Variants in SLC2A14 observed in about 807,000 individuals in gnomAD.
SLC2A14 encodes the protein solute carrier family 2, facilitated glucose transporter member 14.
In SLC2A14, 13 loss-of-function variants were observed where a neutral mutation model predicts 43.0. The ratio of observed to expected loss-of-function variants is 0.30; its 90% CI spans 0.20 to 0.48. The LOEUF (loss-of-function observed/expected upper bound fraction) is 0.48. SLC2A14 is among the 20% of genes least tolerant of loss of function. The pLI, the probability that SLC2A14 is intolerant of heterozygous loss-of-function variation, is 0.99. For synonymous variants in SLC2A14, 190 were observed against 233.8 expected (o/e 0.81, Z 1.71); for missense variants, 428 against 620.4 (o/e 0.69, Z 3.29).
intron 2 of SLC2A14, among the ~76,000 whole-genome samples, chr12:7,850,405 T>A (rs1349683554): frequency 4.0e-5 from 6 of 151,816 alleles, no homozygotes; most frequent in African/African-American, 7.3e-5. Flanking sequence ...TTATTATTAT[T>A]ATTTTTTTGA....
chr12:7,876,107 A>G (rs1945459701), upstream of SLC2A14, among the ~76,000 whole-genome samples: 1 of 151,694 alleles, frequency 6.6e-6, no homozygotes. Flanking sequence ...TGTGAAACCC[A>G]TCTCTACTAA....
chr12:7,826,880 TCTTTCTTTCTTTC>T (rs1565507954), intron 7 of SLC2A14, among the ~76,000 whole-genome samples: 3 of 66,122 alleles, frequency 4.5e-5, no homozygotes, highest in Admixed American at 1.5e-4. Flanking sequence ...TTTCTTTCTT[TCTTTCTTTCTTTC>T]TTTCTTTCTT....
intron 2 of SLC2A14, 48 bp downstream of exon 2, chr12:7,869,815 T>A: frequency 8.2e-7 from 1 of 1,212,896 alleles, no homozygotes; most frequent in African/African-American, 1.5e-5. Flanking sequence ...ATTATCAACA[T>A]AACTCTGACA....
intron 2 of SLC2A14, among the ~76,000 whole-genome samples, chr12:7,835,626 T>C (rs1033871867): frequency 6.6e-6 from 1 of 152,172 alleles, no homozygotes; most frequent in African/African-American, 2.4e-5. Context: ...CTTGCTAGTA[T>C]GATAACCAGG....
intron 1 of SLC2A14, among the ~76,000 whole-genome samples, chr12:7,880,137 AC>A (rs1375462635): frequency 6.6e-6 from 1 of 151,762 alleles, no homozygotes; most frequent in African/African-American, 2.4e-5. Context: ...CCCCATCTCT[AC>A]TAAAAATACA....
intron 3 of SLC2A14, 84 bp downstream of exon 3, chr12:7,832,638 G>C (rs983747625): frequency 6.7e-7 from 1 of 1,489,998 alleles, no homozygotes; most frequent in African/African-American, 1.4e-5. Flanking sequence ...ACCATGCCTG[G>C]CCTTAAATTC....
At chr12:7,887,719 C>T (rs1945711665) in intron 1 of SLC2A14, among the ~76,000 whole-genome samples, 1 of 152,134 alleles carries the variant, frequency 6.6e-6, no homozygotes, top group Non-Finnish European at 1.5e-5. Flanking sequence ...TTCTAATCAT[C>T]TCCAAGTCTA....
chr12:7,834,903 T>C (rs1362676016), intron 2 of SLC2A14, among the ~76,000 whole-genome samples: 1 of 152,096 alleles, frequency 6.6e-6, no homozygotes, highest in African/African-American at 2.4e-5. Flanking sequence ...TAACTGTTTG[T>C]TGATGTGCTT....
At chr12:7,876,106 C>T (rs1446707295), upstream of SLC2A14, among the ~76,000 whole-genome samples, 2 of 151,694 alleles carry the variant, frequency 1.3e-5, no homozygotes, top group African/African-American at 4.8e-5. Context: ...TTGTGAAACC[C>T]ATCTCTACTA....
intron 1 of SLC2A14, among the ~76,000 whole-genome samples, chr12:7,880,778 G>A (rs1043515135): frequency 3.3e-5 from 5 of 151,448 alleles, no homozygotes; most frequent in East Asian, 1.9e-4. Flanking sequence ...AGGCTGAGGC[G>A]GGTGGATCAC....
intron 7 of SLC2A14, among the ~76,000 whole-genome samples, chr12:7,824,238 G>A (rs1238170889): frequency 2.0e-5 from 3 of 151,582 alleles, no homozygotes; most frequent in East Asian, 2.0e-4. Context: ...CCTGGGCAAC[G>A]GAGTAAGACT....
intron 4 of SLC2A14, 164 bp downstream of exon 4, chr12:7,831,440 C>T (rs1211405529): frequency 6.7e-6 from 7 of 1,047,512 alleles, no homozygotes; most frequent in Non-Finnish European, 8.2e-6. Flanking sequence ...AGTAGAGCTC[C>T]AAGCAAGGGC....
chr12:7,877,079 C>A (rs1425087302), upstream of SLC2A14, among the ~76,000 whole-genome samples: 1 of 150,906 alleles, frequency 6.6e-6, no homozygotes. Flanking sequence ...TCTCCGCTCA[C>A]TGCAACCTCT....
intron 6 of SLC2A14, among the ~76,000 whole-genome samples, 186 bp downstream of exon 6, chr12:7,828,518 C>T (rs1443576763): frequency 6.6e-6 from 1 of 152,014 alleles, no homozygotes; most frequent in African/African-American, 2.4e-5. Context: ...CACTGCACTC[C>T]AGCATGGGCA....
intron 7 of SLC2A14, among the ~76,000 whole-genome samples, chr12:7,827,030 C>CTTTCTCTCCTT (rs1163480973): frequency 2.3e-5 from 2 of 86,348 alleles, no homozygotes; most frequent in Non-Finnish European, 5.6e-5. Context: ...TCTCCTTTCT[C>CTTTCTCTCCTT]TCTCTTTCTC....
chr12:7,817,759 G>T (rs1199710253), intron 10 of SLC2A14, 72 bp downstream of exon 10: 20 of 1,414,674 alleles, frequency 1.4e-5, no homozygotes, highest in Non-Finnish European at 2.0e-5. Context: ...TATATAGATA[G>T]ATAGATAGAT....
intron 1 of SLC2A14, among the ~76,000 whole-genome samples, chr12:7,879,807 C>T (rs914838517): frequency 2.6e-5 from 4 of 152,018 alleles, no homozygotes; most frequent in African/African-American, 9.7e-5. Flanking sequence ...GAGTTCAAGA[C>T]CAGCCTGGCC....
rs10845981 is a variant in SLC2A14, at chr12:7,814,362, C to T, written c.1448G>A (p.Gly483Glu). The change falls in exon 11 of 11, where the codon GGG becomes GAG. Residue 483 changes from glycine to glutamate, a missense_variant. By Grantham distance (98) the Gly-to-Glu change is moderately conservative. Around this residue, in one of 4 missense-constraint regions of SLC2A14, gnomAD observed 119 missense variants for 188.7 expected, o/e 0.63. Transcript: ENST00000431042. Reference sequence around the variant, plus strand: ...CTTAGCAGGCTCGATGCTGTTCATCCCCATGACGCCGTCCTTCCCAGATCT... The same window carrying T: ...CTTAGCAGGCTCGATGCTGTTCATCTCCATGACGCCGTCCTTCCCAGATCT... ...ADRSGKDGVM[G>E]MNSIEPAKET... The T allele has an allele frequency of 0.27, 431,561 of 1,608,122 alleles. 60,309 individuals are homozygous for T. Among genetic ancestry groups the T allele is most frequent in the East Asian group, 0.41 (18,208 of 44,774 alleles).
rs35677028 is a variant in SLC2A14, at chr12:7,827,073, CTCTTTCTT to C, written c.864+414_864+421del. Among the ~76,000 whole-genome samples the C allele has an allele frequency of 6.5e-3, 773 of 118,146 alleles. 6 individuals are homozygous for C. The highest frequency in any genetic ancestry group is 0.012 in the Middle Eastern group (3 of 260). 77.5% of individuals were successfully genotyped at this position (118,146 alleles called of 152,430 possible). ...TCTCTCTCTCTTTCTTTCTCTCTCTCTCTTTCTTTCTTTCTTTCTTTCTCTTTCTTTCT... is the reference window on the plus strand; with the variant it reads ...TCTCTCTCTCTTTCTTTCTCTCTCTCTCTTTCTTTCTTTCTCTTTCTTTCT... On this transcript the variant is annotated intron_variant, in intron 7 of 10. Coordinates refer to ENST00000431042, the MANE Select transcript of SLC2A14 (RefSeq NM_001286234.2).
Sources: allele counts gnomAD v4.1 joint callset (sites outside exome capture counted in the v4.1 genomes callset), GRCh38; gene constraint gnomAD v4.1.1; regional missense constraint gnomAD v4.1.1; transcripts MANE v1.5; gene names NCBI Gene and HGNC (gene_info 2026-07-23, HGNC 2026-07-21).